The following PLCB1 variants were observed in gnomAD, a reference collection of about 807,000 sequenced individuals.
The protein encoded by PLCB1 is phospholipase C beta 1.
Under a neutral mutation model 161.8 loss-of-function variants are expected in PLCB1, and 46 were observed. The ratio of observed to expected loss-of-function variants is 0.28; its 90% confidence interval spans 0.22 to 0.36. PLCB1 has a LOEUF of 0.36. Ranked by LOEUF, PLCB1 falls within the 10% of genes least tolerant of loss-of-function variation. PLCB1 has a pLI of 1.00. For synonymous variants in PLCB1, 517 were observed against 503.7 expected, an observed-to-expected ratio of 1.03 and a Z score of -0.35; for missense variants, 1,016 against 1,472.5, an observed-to-expected ratio of 0.69 and a Z score of 5.07.
At chr20:8,777,179 C>G (rs1165691193) in intron 27 of PLCB1, among the ~76,000 whole-genome samples, 1 of 152,034 alleles carries the variant, frequency 6.6e-6, no homozygotes, top group Non-Finnish European at 1.5e-5. Context: ...GGTCTTTAGG[C>G]CTCTGTGTTT....
intron 3 of PLCB1, among the ~76,000 whole-genome samples, chr20:8,503,753 T>A (rs1600111619): frequency 6.6e-6 from 1 of 152,272 alleles, no homozygotes; most frequent in African/African-American, 2.4e-5. Context: ...GACTTTTCAT[T>A]GTATACATTG....
chr20:8,202,137 G>A (rs1050944227), intron 2 of PLCB1, among the ~76,000 whole-genome samples: 2 of 78 alleles, frequency 0.026, no homozygotes, highest in Non-Finnish European at 0.05. Flanking sequence ...GAGGGCAGTG[G>A]TGCATCTCTG....
intron 3 of PLCB1, among the ~76,000 whole-genome samples, chr20:8,584,070 C>G: frequency 6.6e-6 from 1 of 152,134 alleles, no homozygotes. Context: ...TTTCTGTCTG[C>G]ATTTGTAAAT....
At chr20:8,408,883 A>T (rs975905812) in intron 3 of PLCB1, among the ~76,000 whole-genome samples, 1 of 151,940 alleles carries the variant, frequency 6.6e-6, no homozygotes, top group South Asian at 2.1e-4. Context: ...AACAGTAATA[A>T]TTTTTTTTTA....
At chr20:8,538,671 G>C (rs570484074) in intron 3 of PLCB1, among the ~76,000 whole-genome samples, 28 of 151,712 alleles carry the variant, frequency 1.8e-4, no homozygotes, top group Non-Finnish European at 2.1e-4. Flanking sequence ...TTTTATGTCA[G>C]ACATATTAAA....
intron 3 of PLCB1, among the ~76,000 whole-genome samples, chr20:8,519,527 G>A (rs1035452059): frequency 2.6e-5 from 4 of 152,130 alleles, no homozygotes; most frequent in Non-Finnish European, 4.4e-5. Flanking sequence ...CTCCCCCATA[G>A]TGATTGACAG....
intron 19 of PLCB1, among the ~76,000 whole-genome samples, chr20:8,733,843 C>A (rs931822409): frequency 6.7e-6 from 1 of 148,312 alleles, no homozygotes; most frequent in African/African-American, 2.5e-5. Context: ...TTGGTAGGGT[C>A]GGGCGCAGTG....
intron 2 of PLCB1, among the ~76,000 whole-genome samples, chr20:8,221,142 A>G (rs2123163242): frequency 6.6e-6 from 1 of 152,300 alleles, no homozygotes; most frequent in South Asian, 2.1e-4. Context: ...CTCAATGTTA[A>G]TGATTATTAC....
chr20:8,554,754 C>T (rs1985894298), intron 3 of PLCB1, among the ~76,000 whole-genome samples: 1 of 152,038 alleles, frequency 6.6e-6, no homozygotes, highest in South Asian at 2.1e-4. Flanking sequence ...AATTATACCT[C>T]AATAAAATGC....
chr20:8,577,200 C>G (rs962850516), intron 3 of PLCB1, among the ~76,000 whole-genome samples: 6 of 151,388 alleles, frequency 4.0e-5, no homozygotes, highest in Non-Finnish European at 5.9e-5. Context: ...GAGGCTGAGG[C>G]GGGCGGATCA....
intron 3 of PLCB1, among the ~76,000 whole-genome samples, chr20:8,457,699 C>A (rs1050660695): frequency 6.9e-6 from 1 of 144,428 alleles, no homozygotes; most frequent in Non-Finnish European, 1.5e-5. Context: ...CTACTTATAC[C>A]CCTAATGTGT....
chr20:8,788,211 G>T (rs45533834), intron 27 of PLCB1, among the ~76,000 whole-genome samples: 13 of 152,100 alleles, frequency 8.5e-5, no homozygotes, highest in Admixed American at 7.9e-4. Flanking sequence ...ACAATCTAAT[G>T]AATTCTGTTT....
chr20:8,193,145 G>A (rs932771782), intron 2 of PLCB1, among the ~76,000 whole-genome samples: 13 of 151,946 alleles, frequency 8.6e-5, no homozygotes, highest in Admixed American at 7.9e-4. Flanking sequence ...GATGCTGTGG[G>A]AAAATAGGCA....
intron 3 of PLCB1, among the ~76,000 whole-genome samples, chr20:8,601,739 G>A (rs1987592627): frequency 6.6e-6 from 1 of 152,134 alleles, no homozygotes; most frequent in Non-Finnish European, 1.5e-5. Flanking sequence ...ACACCTCTGA[G>A]CAAGTTTTCT....
At chr20:8,753,302 C>A (rs1981578029) in intron 23 of PLCB1, among the ~76,000 whole-genome samples, 1 of 151,932 alleles carries the variant, frequency 6.6e-6, no homozygotes, top group African/African-American at 2.4e-5. Flanking sequence ...ATACTGAAAC[C>A]ATCCCCTCAA....
chr20:8,139,308 C>G (rs981750407), intron 1 of PLCB1, among the ~76,000 whole-genome samples: 29 of 152,130 alleles, frequency 1.9e-4, no homozygotes, highest in African/African-American at 6.7e-4. Flanking sequence ...GTTGGCCAGG[C>G]TGGTCTGGAA....
intron 2 of PLCB1, among the ~76,000 whole-genome samples, chr20:8,356,301 G>T (rs1220811031): frequency 6.6e-6 from 1 of 152,094 alleles, no homozygotes; most frequent in African/African-American, 2.4e-5. Flanking sequence ...AAACTTAAAA[G>T]TATATCAGAA....
chr20:8,794,643 G>A (rs904137157), intron 31 of PLCB1, among the ~76,000 whole-genome samples: 5 of 152,134 alleles, frequency 3.3e-5, no homozygotes, highest in Non-Finnish European at 7.3e-5. Context: ...ATGTAATAGT[G>A]TGTTTCATGT....
At chr20:8,490,062 T>G (rs1982882293) in intron 3 of PLCB1, among the ~76,000 whole-genome samples, 1 of 151,834 alleles carries the variant, frequency 6.6e-6, no homozygotes, top group South Asian at 2.1e-4. Context: ...AAGAGAAGAG[T>G]CTAGTCCTGT....
Sources: gnomAD v4.1 joint callset for allele counts (sites outside exome capture counted in the v4.1 genomes callset) on GRCh38, gnomAD v4.1.1 for gene constraint, MANE v1.5 for transcripts, NCBI Gene and HGNC (gene_info 2026-07-23, HGNC 2026-07-21) for gene names.